The following PTPRT variants were observed in gnomAD, a reference collection of about 807,000 sequenced individuals.
PTPRT encodes the protein protein tyrosine phosphatase receptor type T, also known as receptor-type tyrosine-protein phosphatase T.
Under a neutral mutation model 176.8 loss-of-function variants are expected in PTPRT, and 56 were observed. The observed-to-expected ratio is 0.32, with a 90% CI of 0.26 to 0.40. The LOEUF is 0.40. Ranked by LOEUF, PTPRT falls within the 10% of genes least tolerant of loss-of-function variation. The pLI is 1.00. For missense variants in PTPRT, 1,540 were observed against 1,908.2 expected (o/e 0.81, Z 3.60); for synonymous variants, 783 against 739.0 (o/e 1.06, Z -0.96).
At chr20:42,636,085 G>C (rs2074591989) in intron 7 of PTPRT, among the ~76,000 whole-genome samples, 1 of 152,016 alleles carries the variant, frequency 6.6e-6, no homozygotes, top group Non-Finnish European at 1.5e-5. Context: ...ATAATATTAG[G>C]CTACAGTAAC....
intron 6 of PTPRT, among the ~76,000 whole-genome samples, chr20:42,688,812 G>A (rs1245508489): frequency 6.6e-6 from 1 of 152,148 alleles, no homozygotes; most frequent in Non-Finnish European, 1.5e-5. Flanking sequence ...ATGAAGGCTG[G>A]GAGATATCAT....
intron 9 of PTPRT, among the ~76,000 whole-genome samples, chr20:42,433,189 G>C (rs2059230877): frequency 6.6e-6 from 1 of 152,090 alleles, no homozygotes; most frequent in South Asian, 2.1e-4. Context: ...TTATCTTCTT[G>C]TTGGCCCATA....
Position 42,472,332 on chromosome 20 carries a change from G to C in PTPRT, c.1384C>G (p.Leu462Val). 6.2e-7 allele frequency: 1 copy of C among 1,614,262 alleles called. No individual in the cohort carries two copies. Among genetic ancestry groups the C allele is most frequent in the Non-Finnish European group, 8.5e-7 (1 of 1,180,048 alleles). Residue 462 changes from leucine to valine, a missense_variant, in exon 8 of 31, where the codon CTC becomes GTC. Leu to Val is a conservative substitution (Grantham distance 32). Around this residue, in one of 11 missense-constraint regions of PTPRT, gnomAD observed 79 missense variants for 80.0 expected, o/e 0.99. Coordinates refer to ENST00000373187, the MANE Select transcript of PTPRT (RefSeq NM_007050.6). Reference protein sequence around the residue: ...LRPFMTIRLRLLLSNPEGRME... With the variant: ...LRPFMTIRLRVLLSNPEGRME... ...CGGCCCTCGGGGTTAGACAGCAAGA[G>C]TCGCAGCCGGATGGTCATGAAGGGG...
At chr20:42,870,184 C>T (rs1236585932) in intron 2 of PTPRT, among the ~76,000 whole-genome samples, 2 of 152,170 alleles carry the variant, frequency 1.3e-5, no homozygotes, top group Non-Finnish European at 1.5e-5. Context: ...CAGCCCCTGG[C>T]AACCATCATT....
At chr20:42,061,862 CA>C in the PTPRT span, among the ~76,000 whole-genome samples, 1 of 152,258 alleles carries the variant, frequency 6.6e-6, no homozygotes, top group Non-Finnish European at 1.5e-5. Context: ...GGTGTTGCCA[CA>C]GACATTTTCT....
chr20:42,370,438 C>T (rs527784623), intron 9 of PTPRT, among the ~76,000 whole-genome samples: 21 of 152,224 alleles, frequency 1.4e-4, no homozygotes, highest in South Asian at 1.2e-3. Context: ...CATCAGAGGA[C>T]GGGCTACGTT....
intron 1 of PTPRT, among the ~76,000 whole-genome samples, chr20:42,905,727 C>T (rs1327206455): frequency 6.6e-6 from 1 of 152,158 alleles, no homozygotes; most frequent in Non-Finnish European, 1.5e-5. Context: ...CCATGGAATA[C>T]TATGCAGCCA....
intron 13 of PTPRT, among the ~76,000 whole-genome samples, chr20:42,278,253 G>A (rs2147038618): frequency 7.1e-6 from 1 of 140,540 alleles, no homozygotes; most frequent in South Asian, 2.2e-4. Context: ...GGTTTAAGAG[G>A]CCATCTTAAA....
At chr20:42,817,802 C>T (rs1214827457) in intron 2 of PTPRT, among the ~76,000 whole-genome samples, 2 of 152,174 alleles carry the variant, frequency 1.3e-5, no homozygotes, top group Non-Finnish European at 2.9e-5. Context: ...TATCCTTCCT[C>T]ATTGGGCAGG....
chr20:43,155,606 A>G (rs534975227), intron 1 of PTPRT, among the ~76,000 whole-genome samples: 2 of 152,322 alleles, frequency 1.3e-5, no homozygotes, highest in South Asian at 4.1e-4. Flanking sequence ...CAAGAGATCT[A>G]TTGCACAGCA....
At chr20:42,270,689 T>C (rs1214239179) in intron 13 of PTPRT, among the ~76,000 whole-genome samples, 1 of 152,194 alleles carries the variant, frequency 6.6e-6, no homozygotes, top group Admixed American at 6.5e-5. Flanking sequence ...TGCCAGGTAC[T>C]TTTCTGGGTG....
downstream of PTPRT, among the ~76,000 whole-genome samples, chr20:42,070,378 A>C (rs540421503): frequency 4.6e-5 from 7 of 151,894 alleles, no homozygotes; most frequent in South Asian, 1.5e-3. Context: ...AGGCCAGGCT[A>C]GGATCCACCT....
chr20:43,094,396 T>C (rs1224717204), intron 1 of PTPRT, among the ~76,000 whole-genome samples: 1 of 136,100 alleles, frequency 7.3e-6, no homozygotes, highest in Non-Finnish European at 1.6e-5. Context: ...TCTTTCTTTT[T>C]TTTTTTTTTT....
At chr20:42,060,559 G>A in the PTPRT span, among the ~76,000 whole-genome samples, 1 of 152,192 alleles carries the variant, frequency 6.6e-6, no homozygotes, top group Non-Finnish European at 1.5e-5. Flanking sequence ...CAGTGAATAA[G>A]TCTTACAAGA....
chr20:42,754,073 A>G (rs1348327567), intron 6 of PTPRT, among the ~76,000 whole-genome samples: 1 of 152,232 alleles, frequency 6.6e-6, no homozygotes, highest in African/African-American at 2.4e-5. Flanking sequence ...CAGCCACGGA[A>G]GGTATAAGAC....
At chr20:42,899,014 G>T (rs2079353587) in intron 1 of PTPRT, among the ~76,000 whole-genome samples, 1 of 152,168 alleles carries the variant, frequency 6.6e-6, no homozygotes, top group African/African-American at 2.4e-5. Flanking sequence ...GGGAGCAGAT[G>T]CAGGGATTCC....
At position 43,042,718 on chromosome 20, in the gene PTPRT, C is replaced by T. The variant is rs188313897; in HGVS notation, c.88+146928G>A. 4.0e-3 allele frequency among the ~76,000 whole-genome samples: 587 copies of T among 148,410 alleles called. 2 individuals are homozygous for T. The highest frequency in any genetic ancestry group is 6.4e-3 in the Non-Finnish European group (426 of 66,820). ...GCATTCTTCCACCCACCCTCCCACC[C>T]GCCATCTCTCCTCCCACCCACCATC... On this transcript the variant is annotated intron_variant, in intron 1 of 30. Transcript: ENST00000373187.
chr20:42,138,395 C>G (rs1988472647), intron 18 of PTPRT, among the ~76,000 whole-genome samples: 1 of 152,234 alleles, frequency 6.6e-6, no homozygotes, highest in African/African-American at 2.4e-5. Context: ...GTCAGGTCAT[C>G]TCTCTTTGGG....
At chr20:43,054,746 G>A (rs1288024950) in intron 1 of PTPRT, among the ~76,000 whole-genome samples, 1 of 152,050 alleles carries the variant, frequency 6.6e-6, no homozygotes, top group Non-Finnish European at 1.5e-5. Flanking sequence ...CTCTTTTCAG[G>A]TAAGACACAT....
Sources: allele counts gnomAD v4.1 joint callset (sites outside exome capture counted in the v4.1 genomes callset), GRCh38; gene constraint gnomAD v4.1.1; regional missense constraint gnomAD v4.1.1; transcripts MANE v1.5; gene names NCBI Gene and HGNC (gene_info 2026-07-23, HGNC 2026-07-21).